FSTL4: variants seen among roughly 807,000 people sequenced by gnomAD.
FSTL4 encodes the protein follistatin-related protein 4.
FSTL4 carries 28 observed loss-of-function variants against 78.2 expected under a neutral mutation model. That is an observed-to-expected ratio of 0.36 (90% confidence interval 0.27 to 0.49). The LOEUF is 0.49. FSTL4 is among the 20% of genes least tolerant of loss of function. FSTL4 has a pLI of 0.98. For missense variants in FSTL4, 922 were observed against 1,084.9 expected (o/e 0.85, Z 2.11); for synonymous variants, 422 against 440.5 (o/e 0.96, Z 0.53).
intron 3 of FSTL4, among the ~76,000 whole-genome samples, chr5:133,412,909 C>T (rs2126981140): frequency 6.6e-6 from 1 of 152,238 alleles, no homozygotes; most frequent in Admixed American, 6.5e-5. Flanking sequence ...GTGATTCATT[C>T]ATTGTCCTTA....
chr5:133,829,889 G>A, the FSTL4 span, among the ~76,000 whole-genome samples: 1 of 152,152 alleles, frequency 6.6e-6, no homozygotes, highest in African/African-American at 2.4e-5. Context: ...TCTGCCCTGA[G>A]AAGATGCTCT....
chr5:133,406,729 C>G (rs1185468580), intron 3 of FSTL4, among the ~76,000 whole-genome samples: 2 of 152,228 alleles, frequency 1.3e-5, no homozygotes, highest in Non-Finnish European at 2.9e-5. Context: ...GCAGGCCCAC[C>G]AGGCACCATG....
chr5:133,575,585 A>C (rs1337994119), intron 2 of FSTL4, among the ~76,000 whole-genome samples: 1 of 152,202 alleles, frequency 6.6e-6, no homozygotes, highest in Non-Finnish European at 1.5e-5. Flanking sequence ...GAGGTAAATG[A>C]GTTCAACGGC....
At chr5:133,689,954 C>T in the FSTL4 span, among the ~76,000 whole-genome samples, 2 of 151,956 alleles carry the variant, frequency 1.3e-5, no homozygotes, top group African/African-American at 4.8e-5. Context: ...CCAGCCACTC[C>T]GGAGGCTGAG....
intron 3 of FSTL4, among the ~76,000 whole-genome samples, chr5:133,481,560 A>AAT (rs397689997): frequency 1.5e-4 from 22 of 150,818 alleles, no homozygotes; most frequent in African/African-American, 5.2e-4. Context: ...AAAAAAAAAA[A>AAT]GCTATTAAGC....
Position 133,567,175 on chromosome 5 carries a change from ATT to A in FSTL4, c.160+9_160+10del, listed in dbSNP as rs1456520687. On this transcript the variant is annotated intron_variant, in intron 3 of 15. Coordinates refer to ENST00000265342, the MANE Select transcript of FSTL4 (RefSeq NM_015082.2). ...CTGAAAATAAAATGGGTATGAGTGC[ATT>A]TTTCCTACCTTCTCTTCTTGTGACT... 1.9e-6 allele frequency: 3 copies of A among 1,592,454 alleles called. No individual in the cohort carries two copies. The highest frequency in any genetic ancestry group is 1.7e-6 in the Non-Finnish European group (2 of 1,160,424).
At chr5:133,468,569 G>A (rs947665821) in intron 3 of FSTL4, among the ~76,000 whole-genome samples, 1 of 152,176 alleles carries the variant, frequency 6.6e-6, no homozygotes, top group Non-Finnish European at 1.5e-5. Context: ...CCAAGCCACG[G>A]AGCCACTGCC....
chr5:133,575,810 T>C (rs1760264946), intron 2 of FSTL4, among the ~76,000 whole-genome samples: 1 of 152,370 alleles, frequency 6.6e-6, no homozygotes, highest in East Asian at 1.9e-4. Context: ...ACTTAATGAC[T>C]AAATTTCTTT....
At chr5:133,720,022 A>C in the FSTL4 span, among the ~76,000 whole-genome samples, 15 of 152,218 alleles carry the variant, frequency 9.9e-5, no homozygotes, top group African/African-American at 3.4e-4. Flanking sequence ...ACACGTATCC[A>C]CAAAGATTTC....
At chr5:133,744,912 A>G in the FSTL4 span, among the ~76,000 whole-genome samples, 1 of 152,340 alleles carries the variant, frequency 6.6e-6, no homozygotes, top group African/African-American at 2.4e-5. Context: ...GGATACTCCC[A>G]TACCTGGTCT....
At chr5:133,504,851 T>C (rs1030540479) in intron 3 of FSTL4, among the ~76,000 whole-genome samples, 4 of 152,202 alleles carry the variant, frequency 2.6e-5, no homozygotes, top group Non-Finnish European at 5.9e-5. Context: ...ATAGCTCTTA[T>C]CACAATTGCA....
At chr5:133,443,482 T>C (rs941828288) in intron 3 of FSTL4, among the ~76,000 whole-genome samples, 1 of 152,214 alleles carries the variant, frequency 6.6e-6, no homozygotes, top group East Asian at 1.9e-4. Context: ...CCAGGGCAAA[T>C]GGTTAACCCT....
At chr5:133,464,370 G>A (rs1757657664) in intron 3 of FSTL4, among the ~76,000 whole-genome samples, 1 of 152,178 alleles carries the variant, frequency 6.6e-6, no homozygotes, top group African/African-American at 2.4e-5. Context: ...GTTTAATAAT[G>A]AGAAAGACAG....
At chr5:133,483,648 T>C (rs1758073390) in intron 3 of FSTL4, among the ~76,000 whole-genome samples, 2 of 152,240 alleles carry the variant, frequency 1.3e-5, no homozygotes, top group Non-Finnish European at 1.5e-5. Flanking sequence ...TTCCTTTTGG[T>C]GCTTCGGAGC....
intron 4 of FSTL4, among the ~76,000 whole-genome samples, chr5:133,393,844 C>T (rs1189184751): frequency 6.6e-6 from 1 of 152,258 alleles, no homozygotes; most frequent in Non-Finnish European, 1.5e-5. Flanking sequence ...GGAGAAGGTG[C>T]AGCTGGCTTC....
chr5:133,545,435 C>T (rs1238055056), intron 3 of FSTL4, among the ~76,000 whole-genome samples: 2 of 152,162 alleles, frequency 1.3e-5, no homozygotes, highest in African/African-American at 4.8e-5. Flanking sequence ...CCCCTTTTCA[C>T]ACCCACCCAC....
At chr5:133,248,406 A>G (rs1455428759) in intron 7 of FSTL4, 1 of 152,204 alleles carries the variant, frequency 6.6e-6, no homozygotes, top group Non-Finnish European at 1.5e-5. Context: ...TCTCTTCTGC[A>G]TGAAAATTAT....
chr5:133,604,198 G>A (rs1246691389), intron 1 of FSTL4, among the ~76,000 whole-genome samples: 14 of 152,152 alleles, frequency 9.2e-5, no homozygotes, highest in Admixed American at 9.2e-4. Context: ...TACCTCGAAA[G>A]GCTTTTGTGA....
chr5:133,709,815 G>C, the FSTL4 span, among the ~76,000 whole-genome samples: 1 of 152,248 alleles, frequency 6.6e-6, no homozygotes, highest in Non-Finnish European at 1.5e-5. Flanking sequence ...GGAGCTATCT[G>C]TGAGGATAGA....
Sources: gnomAD v4.1 joint callset for allele counts (sites outside exome capture counted in the v4.1 genomes callset) on GRCh38, gnomAD v4.1.1 for gene constraint, MANE v1.5 for transcripts, NCBI Gene and HGNC (gene_info 2026-07-23, HGNC 2026-07-21) for gene names.